MCTP2: variants seen among roughly 807,000 people sequenced by gnomAD.
The protein encoded by MCTP2 is multiple C2 and transmembrane domain containing 2.
A neutral mutation model predicts 111.6 loss-of-function variants in MCTP2; 132 were observed. The ratio of observed to expected loss-of-function variants is 1.18; its 90% CI spans 1.03 to 1.37. MCTP2 has a LOEUF of 1.37. Among genes scored for constraint, MCTP2 ranks in the 40% most tolerant of loss-of-function variants. The pLI, the probability that MCTP2 is intolerant of heterozygous loss-of-function variation, is 0.00. For synonymous variants in MCTP2, 395 were observed against 387.7 expected, an observed-to-expected ratio of 1.02 and a Z score of -0.22; for missense variants, 1,183 against 1,067.9, an observed-to-expected ratio of 1.11 and a Z score of -1.50.
intron 1 of MCTP2, among the ~76,000 whole-genome samples, chr15:94,252,875 A>G (rs2072530987): frequency 6.6e-6 from 1 of 152,196 alleles, no homozygotes; most frequent in East Asian, 1.9e-4. Context: ...CTACTTATTT[A>G]TAAATTTGAT....
rs1469875942 is a variant in MCTP2, at chr15:94,480,927, G to T, written c.*1893G>T. On this transcript the variant is annotated 3_prime_UTR_variant, in exon 23 of 23. Transcript: ENST00000357742. ...TAAGTTTAGGACCCAAACACCAGCT[G>T]GGACGTAAGAGCAGGACCGAATCAA... The T allele has an allele frequency of 6.6e-6, 1 of 152,146 alleles. No individual in the cohort carries two copies. The highest frequency in any genetic ancestry group is 1.5e-5 in the Non-Finnish European group (1 of 67,980). 9.4% of individuals were successfully genotyped at this position (152,146 alleles called of 1,614,324 possible). A position where few individuals can be genotyped will look rare whatever the true frequency, so the allele number is the denominator to read the frequency against.
At chr15:94,426,609 A>T (rs749291532) in intron 17 of MCTP2, among the ~76,000 whole-genome samples, 2 of 152,054 alleles carry the variant, frequency 1.3e-5, no homozygotes, top group East Asian at 3.8e-4. Flanking sequence ...TATGGATTAT[A>T]ATTATTTTAA....
At chr15:94,241,440 G>A (rs991181603) in intron 1 of MCTP2, among the ~76,000 whole-genome samples, 6 of 152,140 alleles carry the variant, frequency 3.9e-5, no homozygotes, top group South Asian at 2.1e-4. Context: ...AATTTTGGTC[G>A]TTTCCATGGT....
intron 17 of MCTP2, among the ~76,000 whole-genome samples, chr15:94,423,985 A>G (rs1055707874): frequency 3.3e-5 from 5 of 152,196 alleles, no homozygotes; most frequent in African/African-American, 4.8e-5. Context: ...TTTGTAATTG[A>G]ATCCTCCTTC....
At chr15:94,276,947 CA>C (rs71132999) in intron 1 of MCTP2, among the ~76,000 whole-genome samples, 17,530 of 118,634 alleles carry the variant, frequency 0.15, 974 homozygotes, top group Middle Eastern at 0.17. Context: ...GTTGGAAGCC[CA>C]AAAAAAAAAA....
At chr15:94,245,437 T>G (rs545721844) in intron 1 of MCTP2, among the ~76,000 whole-genome samples, 2 of 138,714 alleles carry the variant, frequency 1.4e-5, no homozygotes, top group Non-Finnish European at 3.1e-5. Context: ...TATATTTATA[T>G]ATACACATAT....
At chr15:94,354,647 C>T (rs537389901) in intron 8 of MCTP2, among the ~76,000 whole-genome samples, 8 of 152,176 alleles carry the variant, frequency 5.3e-5, no homozygotes, top group South Asian at 2.1e-4. Flanking sequence ...AGTGTGATAA[C>T]GGAGTAATAC....
At chr15:94,441,077 CT>C (rs1395368227) in intron 18 of MCTP2, among the ~76,000 whole-genome samples, 1 of 152,122 alleles carries the variant, frequency 6.6e-6, no homozygotes, top group East Asian at 1.9e-4. Flanking sequence ...AGTCCTAAGA[CT>C]TGATTAATTT....
chr15:94,352,324 C>A (rs1978748), intron 8 of MCTP2, among the ~76,000 whole-genome samples: 16,579 of 152,186 alleles, frequency 0.11, 944 homozygotes, highest in African/African-American at 0.14. Flanking sequence ...TTCTAACTGG[C>A]ACAGCACACC....
chr15:94,434,170 T>G (rs2083337520), intron 17 of MCTP2, among the ~76,000 whole-genome samples: 1 of 151,996 alleles, frequency 6.6e-6, no homozygotes. Flanking sequence ...GGTGCAGTCA[T>G]GGGTCACTGC....
chr15:94,275,093 A>G (rs1205210821), intron 1 of MCTP2, among the ~76,000 whole-genome samples: 1 of 152,194 alleles, frequency 6.6e-6, no homozygotes, highest in East Asian at 1.9e-4. Flanking sequence ...AGAAGAAGCA[A>G]TTACAGTGAA....
At chr15:94,461,625 A>G (rs1350080827) in intron 20 of MCTP2, among the ~76,000 whole-genome samples, 2 of 152,170 alleles carry the variant, frequency 1.3e-5, no homozygotes, top group Non-Finnish European at 2.9e-5. Context: ...AGATACTGAG[A>G]TTAAGGGAGA....
chr15:94,427,884 T>C lies in MCTP2; in HGVS notation c.2086-12292T>C, dbSNP rs183739910. Among the ~76,000 whole-genome samples the C allele has an allele frequency of 2.0e-5, 3 of 152,278 alleles. No homozygotes were observed. In the East Asian group the frequency reaches 5.8e-4, roughly 29 times the overall value. On this transcript the variant is annotated intron_variant, in intron 17 of 22. Transcript: ENST00000357742. The stretch of plus-strand genomic sequence containing the variant: ...TTTAAAGGAATATTGAGAAAAATCT[T>C]CTCCTTCATACTGAAAAGCTGAAGT...
chr15:94,463,164 A>T (rs1031351322), intron 20 of MCTP2, among the ~76,000 whole-genome samples: 2 of 152,238 alleles, frequency 1.3e-5, no homozygotes, highest in African/African-American at 2.4e-5. Flanking sequence ...TGGGATCTTT[A>T]TTAGGACTGC....
chr15:94,359,988 G>A (rs886877816), intron 10 of MCTP2, among the ~76,000 whole-genome samples: 2 of 152,144 alleles, frequency 1.3e-5, no homozygotes, highest in Admixed American at 6.5e-5. Context: ...AGCAAACCTG[G>A]CTCTCACCTG....
At chr15:94,270,662 C>G (rs918052063) in intron 1 of MCTP2, among the ~76,000 whole-genome samples, 4 of 152,156 alleles carry the variant, frequency 2.6e-5, no homozygotes, top group Non-Finnish European at 4.4e-5. Flanking sequence ...TGCACTTGCT[C>G]TTTCTGCTAT....
chr15:94,481,146 T>G lies in MCTP2; in HGVS notation c.*2112T>G, dbSNP rs965872280. 1 of 152,216 alleles carries G rather than the reference T, an allele frequency of 6.6e-6. No individual in the cohort carries two copies. Among genetic ancestry groups the G allele is most frequent in the East Asian group, 1.9e-4 (1 of 5,196 alleles). 9.4% of individuals were successfully genotyped at this position (152,216 alleles called of 1,614,324 possible). ...TCACAGTGTGATAATTAAGTAGGGA[T>G]GTTGAAGTCTTGCCAAGTTTTCCTG... On this transcript the variant is annotated 3_prime_UTR_variant, in exon 23 of 23. Coordinates refer to ENST00000357742, the MANE Select transcript of MCTP2 (RefSeq NM_001385001.1).
Position 94,236,389 on chromosome 15 carries a change from T to C in MCTP2, c.-66+4725T>C, listed in dbSNP as rs528310084. ...CTTTCTTTTTTTTCTTTTTTTTTTT[T>C]TTTTTTTTTTTTTTTTACGAAATAG... On this transcript the variant is annotated intron_variant, in intron 1 of 22. Coordinates refer to ENST00000357742, the MANE Select transcript of MCTP2 (RefSeq NM_001385001.1). 2.4e-3 allele frequency among the ~76,000 whole-genome samples: 334 copies of C among 136,388 alleles called. 2 individuals are homozygous for C. The highest frequency in any genetic ancestry group is 8.2e-3 in the African/African-American group (294 of 35,708). 89.5% of individuals were successfully genotyped at this position (136,388 alleles called of 152,430 possible).
At chr15:94,450,515 G>A (rs995360343) in intron 19 of MCTP2, among the ~76,000 whole-genome samples, 1 of 152,148 alleles carries the variant, frequency 6.6e-6, no homozygotes, top group Non-Finnish European at 1.5e-5. Context: ...TATGACAGAT[G>A]CTAAGCTTTT....
Sources: allele counts gnomAD v4.1 joint callset (sites outside exome capture counted in the v4.1 genomes callset), GRCh38; gene constraint gnomAD v4.1.1; transcripts MANE v1.5; gene names NCBI Gene and HGNC (gene_info 2026-07-23, HGNC 2026-07-21).